Variants in SLC14A2 observed in about 807,000 individuals in gnomAD.
The protein encoded by SLC14A2 is urea transporter 2.
SLC14A2 carries 91 observed loss-of-function variants against 104.6 expected under a neutral mutation model. The observed-to-expected ratio is 0.87, with a 90% CI of 0.73 to 1.04. SLC14A2 has a LOEUF of 1.04. Ranked by LOEUF, SLC14A2 falls within the 50% of genes least tolerant of loss-of-function variation. The probability of loss-of-function intolerance (pLI) is 0.00; values close to 1 mark genes in which losing one functional copy is unlikely to be tolerated. For missense variants in SLC14A2, 1,189 were observed against 1,156.0 expected, an observed-to-expected ratio of 1.03 and a Z score of -0.41; for synonymous variants, 476 against 466.4, an observed-to-expected ratio of 1.02 and a Z score of -0.27.
intron 1 of SLC14A2, among the ~76,000 whole-genome samples, chr18:45,291,774 C>T (rs1017008902): frequency 3.4e-4 from 50 of 146,092 alleles, no homozygotes; most frequent in Middle Eastern, 3.4e-3. Context: ...ATAGGAGTCA[C>T]GGTGACGAAT....
chr18:45,396,373 T>TTATAGA (rs1694097124), intron 1 of SLC14A2, among the ~76,000 whole-genome samples: 1 of 152,198 alleles, frequency 6.6e-6, no homozygotes, highest in Admixed American at 6.6e-5. Flanking sequence ...CTTTTCTCCA[T>TTATAGA]CTTTGTAATG....
intron 1 of SLC14A2, among the ~76,000 whole-genome samples, chr18:45,286,016 G>A (rs1436180379): frequency 1.3e-5 from 2 of 152,200 alleles, no homozygotes; most frequent in African/African-American, 4.8e-5. Context: ...CACTGCCCTA[G>A]AGGGTACAGT....
chr18:45,214,914 TAAAAAA>T (rs11332986), intron 1 of SLC14A2, among the ~76,000 whole-genome samples: 1 of 113,910 alleles, frequency 8.8e-6, no homozygotes, highest in African/African-American at 3.3e-5. Context: ...ACCATGTCTT[TAAAAAA>T]AAAAAAAAAA....
At chr18:45,310,655 T>G (rs1186430612) in intron 1 of SLC14A2, among the ~76,000 whole-genome samples, 3 of 152,244 alleles carry the variant, frequency 2.0e-5, no homozygotes, top group Non-Finnish European at 2.9e-5. Context: ...ACAGAAAAAG[T>G]GGGTTTACAG....
chr18:45,571,515 G>A (rs537637323), intron 2 of SLC14A2, among the ~76,000 whole-genome samples: 18 of 152,296 alleles, frequency 1.2e-4, no homozygotes, highest in African/African-American at 3.6e-4. Flanking sequence ...GCTACAGAAG[G>A]GAGTATTAAA....
In SLC14A2 at chr18:45,643,967, C is replaced by G. The variant is rs1182319025; in HGVS notation, c.1177-19C>G. The stretch of plus-strand genomic sequence containing the variant: ...GGAAACTAGGAAACTTCTTCAGTCC[C>G]CAATGCTTTTGTTTCCAGGTGGGCG... On this transcript the variant is annotated intron_variant, in intron 9 of 19. Transcript: ENST00000255226. 2 of 1,611,808 alleles carry G rather than the reference C, an allele frequency of 1.2e-6. No individual in the cohort carries two copies. Among genetic ancestry groups the G allele is most frequent in the East Asian group, 4.5e-5 (2 of 44,870 alleles).
chr18:45,205,901 A>G, the SLC14A2 span, among the ~76,000 whole-genome samples: 1 of 152,214 alleles, frequency 6.6e-6, no homozygotes, highest in African/African-American at 2.4e-5. Context: ...GGACAGCAGC[A>G]TGGAAAGAGG....
chr18:45,532,131 G>A (rs1478674920), intron 2 of SLC14A2, among the ~76,000 whole-genome samples: 2 of 152,174 alleles, frequency 1.3e-5, no homozygotes, highest in Admixed American at 1.3e-4. Flanking sequence ...AAGTCAGGTA[G>A]CATGATGCCT....
chr18:45,178,210 T>TA, the SLC14A2 span, among the ~76,000 whole-genome samples: 1 of 151,924 alleles, frequency 6.6e-6, no homozygotes, highest in African/African-American at 2.4e-5. Context: ...TATCAAAACA[T>TA]AAGAAAAGTG....
rs77259925 is a variant in SLC14A2, at chr18:45,675,020, G to A, written c.2512+1203G>A. Among the ~76,000 whole-genome samples, 1,368 of 152,198 alleles carry A rather than the reference G, an allele frequency of 9.0e-3. 22 individuals are homozygous for A. The highest frequency in any genetic ancestry group is 0.031 in the African/African-American group (1,269 of 41,526). ...CATGAAGCTAGGTCTTCCTCCATCC[G>A]AACTCATTAAACTCCCCACCCCCTT... On this transcript the variant is annotated intron_variant, in intron 18 of 19. Coordinates refer to ENST00000255226, the MANE Select transcript of SLC14A2 (RefSeq NM_007163.4).
intron 2 of SLC14A2, among the ~76,000 whole-genome samples, chr18:45,536,424 C>T (rs1477446461): frequency 6.6e-6 from 1 of 152,150 alleles, no homozygotes; most frequent in African/African-American, 2.4e-5. Context: ...GCGGGAGAAC[C>T]CATTCCATGC....
Position 45,538,850 on chromosome 18 carries a change from CTTTT to C in SLC14A2, c.-35+55546_-35+55549del, listed in dbSNP as rs61475766. Among the ~76,000 whole-genome samples, 83 of 105,262 alleles carry C rather than the reference CTTTT, an allele frequency of 7.9e-4. 2 individuals are homozygous for C. The highest frequency in any genetic ancestry group is 2.6e-4 in the Non-Finnish European group (14 of 54,012). The allele number at this position is 105,262 out of a possible 152,430, so 69.1% of individuals were successfully genotyped here. On this transcript the variant is annotated intron_variant, in intron 2 of 20. Transcript: ENST00000586448. ...GACCAAAGGTCCTTCTCCCCCTTCC[CTTTT>C]TTTTTTTTTTTTTTTTTGCTTGCTT...
At chr18:45,250,507 T>G (rs1003133688) in intron 1 of SLC14A2, among the ~76,000 whole-genome samples, 12 of 152,206 alleles carry the variant, frequency 7.9e-5, no homozygotes, top group African/African-American at 2.9e-4. Context: ...TTGTTTTCTC[T>G]CTCACTTTGA....
chr18:45,661,315 G>A (rs2045933152), intron 10 of SLC14A2, among the ~76,000 whole-genome samples: 1 of 152,200 alleles, frequency 6.6e-6, no homozygotes, highest in African/African-American at 2.4e-5. Flanking sequence ...GCCTTGTTTT[G>A]TTAAACTGGA....
chr18:45,627,386 A>C (rs571850189), intron 4 of SLC14A2, among the ~76,000 whole-genome samples: 2 of 152,350 alleles, frequency 1.3e-5, no homozygotes, highest in Admixed American at 6.5e-5. Flanking sequence ...AGGGAGGTGC[A>C]GAGGAACAGC....
At chr18:45,476,167 C>T (rs534350752) in intron 1 of SLC14A2, among the ~76,000 whole-genome samples, 12 of 152,194 alleles carry the variant, frequency 7.9e-5, no homozygotes, top group African/African-American at 1.4e-4. Flanking sequence ...TCTTGTAAGG[C>T]GGGCCTGGTG....
At chr18:45,413,164 A>T in intron 1 of SLC14A2, among the ~76,000 whole-genome samples, 1 of 152,186 alleles carries the variant, frequency 6.6e-6, no homozygotes, top group East Asian at 1.9e-4. Context: ...TAAAAAGATA[A>T]TTACACAGAG....
At chr18:45,416,527 C>G (rs1032382389) in intron 1 of SLC14A2, among the ~76,000 whole-genome samples, 1 of 152,106 alleles carries the variant, frequency 6.6e-6, no homozygotes, top group Non-Finnish European at 1.5e-5. Flanking sequence ...GCATTCAAGG[C>G]GCAGAGTGCA....
At chr18:45,621,840 G>A (rs1411541518) in intron 1 of SLC14A2, among the ~76,000 whole-genome samples, 2 of 152,336 alleles carry the variant, frequency 1.3e-5, no homozygotes, top group East Asian at 1.9e-4. Flanking sequence ...TTTAGCAAGT[G>A]ATCATTGAGA....
Sources: gnomAD v4.1 joint callset for allele counts (sites outside exome capture counted in the v4.1 genomes callset) on GRCh38, gnomAD v4.1.1 for gene constraint, MANE v1.5 for transcripts, NCBI Gene and HGNC (gene_info 2026-07-23, HGNC 2026-07-21) for gene names.